Variants in MAP3K7CL observed in about 807,000 individuals in gnomAD.
The protein encoded by MAP3K7CL is MAP3K7 C-terminal like, also known as MAP3K7 C-terminal-like protein.
In MAP3K7CL, 16 loss-of-function variants were observed where a neutral mutation model predicts 18.6. The ratio of observed to expected loss-of-function variants is 0.86; its 90% CI spans 0.58 to 1.31. MAP3K7CL has a LOEUF of 1.31. Ranked by LOEUF, MAP3K7CL falls within the 50% of genes most tolerant of loss-of-function variation. MAP3K7CL has a pLI of 0.00. For synonymous variants in MAP3K7CL, 65 were observed against 66.8 expected (o/e 0.97, Z 0.13); for missense variants, 163 against 174.4 (o/e 0.93, Z 0.37).
chr21:29,105,075 A>C (rs2086297237), intron 4 of MAP3K7CL, among the ~76,000 whole-genome samples: 1 of 152,224 alleles, frequency 6.6e-6, no homozygotes, highest in African/African-American at 2.4e-5. Context: ...CTAACATTCA[A>C]ATGGCAGGAG....
At chr21:29,156,507 C>T (rs2087407959) in intron 3 of MAP3K7CL, among the ~76,000 whole-genome samples, 1 of 152,126 alleles carries the variant, frequency 6.6e-6, no homozygotes, top group South Asian at 2.1e-4. Flanking sequence ...TTCTAAGAAT[C>T]GATTTCCTCA....
intron 4 of MAP3K7CL, among the ~76,000 whole-genome samples, chr21:29,096,932 C>T (rs2086132377): frequency 6.6e-6 from 1 of 152,112 alleles, no homozygotes; most frequent in African/African-American, 2.4e-5. Flanking sequence ...TTACAGCAAC[C>T]CAGTTTAGCA....
intron 1 of MAP3K7CL, among the ~76,000 whole-genome samples, chr21:29,079,723 G>A (rs80116716): frequency 0.02 from 3,057 of 152,266 alleles, 132 homozygotes; most frequent in East Asian, 0.15. Context: ...TCCAAAGTGG[G>A]CTCTGTGTGT....
At chr21:29,160,211 A>T (rs1287428029) in intron 4 of MAP3K7CL, among the ~76,000 whole-genome samples, 155 bp downstream of exon 4, 1 of 152,236 alleles carries the variant, frequency 6.6e-6, no homozygotes, top group Admixed American at 6.5e-5. Context: ...TAAGTGCTTT[A>T]TGGAGTAGCA....
chr21:29,167,299 A>G (rs1399590796), intron 4 of MAP3K7CL, among the ~76,000 whole-genome samples: 1 of 152,304 alleles, frequency 6.6e-6, no homozygotes, highest in East Asian at 1.9e-4. Flanking sequence ...TGTTCAGGCA[A>G]AACATCAGAA....
chr21:29,135,680 G>C (rs559377207), intron 2 of MAP3K7CL, among the ~76,000 whole-genome samples: 1 of 152,240 alleles, frequency 6.6e-6, no homozygotes, highest in South Asian at 2.1e-4. Flanking sequence ...CTTGGCCCTT[G>C]ACTAGGAGCT....
chr21:29,137,037 G>A (rs1027100058), intron 2 of MAP3K7CL, among the ~76,000 whole-genome samples: 11 of 152,182 alleles, frequency 7.2e-5, no homozygotes, highest in Non-Finnish European at 1.3e-4. Context: ...TAATTCACAG[G>A]GTTGTAATAA....
intron 2 of MAP3K7CL, among the ~76,000 whole-genome samples, chr21:29,145,979 C>G (rs1302696270): frequency 6.6e-6 from 1 of 151,924 alleles, no homozygotes; most frequent in Non-Finnish European, 1.5e-5. Flanking sequence ...ATAAGGACGT[C>G]GATTTCCACA....
upstream of MAP3K7CL, among the ~76,000 whole-genome samples, chr21:29,129,430 T>C (rs1339871887): frequency 6.6e-6 from 1 of 152,260 alleles, no homozygotes; most frequent in Non-Finnish European, 1.5e-5. Context: ...TTGTTGGAAT[T>C]ATACAGCATG....
At chr21:29,147,539 T>C (rs2087161038) in intron 2 of MAP3K7CL, among the ~76,000 whole-genome samples, 1 of 151,564 alleles carries the variant, frequency 6.6e-6, no homozygotes, top group Non-Finnish European at 1.5e-5. Context: ...ATTATATATG[T>C]ATATGTGTAC....
chr21:29,158,539 G>A (rs914185276), intron 3 of MAP3K7CL, among the ~76,000 whole-genome samples: 1 of 152,116 alleles, frequency 6.6e-6, no homozygotes, highest in African/African-American at 2.4e-5. Flanking sequence ...CTACTCAGAG[G>A]CCTCATGATA....
intron 1 of MAP3K7CL, among the ~76,000 whole-genome samples, chr21:29,087,348 T>A (rs2085942186): frequency 6.6e-6 from 1 of 152,198 alleles, no homozygotes; most frequent in Admixed American, 6.5e-5. Context: ...TTTTAAAAAC[T>A]CTCTATCTCT....
chr21:29,079,404 C>G (rs1181679357), intron 1 of MAP3K7CL, among the ~76,000 whole-genome samples: 1 of 152,258 alleles, frequency 6.6e-6, no homozygotes, highest in Non-Finnish European at 1.5e-5. Context: ...ATGCCAAGCT[C>G]TTTCTTAGCT....
chr21:29,104,791 G>A (rs944152420), intron 4 of MAP3K7CL, among the ~76,000 whole-genome samples: 2 of 152,160 alleles, frequency 1.3e-5, no homozygotes, highest in Non-Finnish European at 2.9e-5. Flanking sequence ...GCTAATCCTC[G>A]TTAGCTGAGG....
chr21:29,078,468 G>A (rs56161101), intron 1 of MAP3K7CL, among the ~76,000 whole-genome samples: 7 of 151,978 alleles, frequency 4.6e-5, no homozygotes, highest in Admixed American at 3.9e-4. Context: ...TCAGAGTCTC[G>A]CTGGACTACA....
chr21:29,119,074 G>A (rs2086550485), intron 4 of MAP3K7CL, among the ~76,000 whole-genome samples: 2 of 152,166 alleles, frequency 1.3e-5, no homozygotes, highest in African/African-American at 4.8e-5. Flanking sequence ...CCCCATGGAG[G>A]ATGAGGATTT....
At chr21:29,109,838 C>A in intron 4 of MAP3K7CL, 1 of 964,234 alleles carries the variant, frequency 1.0e-6, no homozygotes, top group Non-Finnish European at 1.2e-6. Flanking sequence ...AGTGTAGACT[C>A]CCAGGAGTGG....
intron 2 of MAP3K7CL, among the ~76,000 whole-genome samples, chr21:29,143,228 C>T (rs896012891): frequency 1.2e-4 from 18 of 152,194 alleles, no homozygotes; most frequent in African/African-American, 2.6e-4. Flanking sequence ...GTCTGGAGGG[C>T]GGGCTCTGTG....
intron 2 of MAP3K7CL, 67 bp downstream of exon 2, chr21:29,133,481 C>A: frequency 1.6e-6 from 2 of 1,225,700 alleles, no homozygotes; most frequent in Non-Finnish European, 2.2e-6. Flanking sequence ...TTTTCTAATG[C>A]CACGCCTCTG....
Sources: allele counts gnomAD v4.1 joint callset (sites outside exome capture counted in the v4.1 genomes callset), GRCh38; gene constraint gnomAD v4.1.1; transcripts MANE v1.5; gene names NCBI Gene and HGNC (gene_info 2026-07-23, HGNC 2026-07-21).